The following CDC42SE2 variants were observed in gnomAD, a reference collection of about 807,000 sequenced individuals.
CDC42SE2 encodes CDC42 small effector 2, also known as CDC42 small effector protein 2.
Under a neutral mutation model 11.5 loss-of-function variants are expected in CDC42SE2, and 3 were observed. That is an observed-to-expected ratio of 0.26 (90% CI 0.12 to 0.67). The LOEUF (loss-of-function observed/expected upper bound fraction) is 0.67, where lower values mean the gene tolerates loss of function less well. CDC42SE2 is among the 30% of genes least tolerant of loss of function. The pLI is 0.80. For synonymous variants in CDC42SE2, 33 were observed against 34.8 expected (o/e 0.95, Z 0.18); for missense variants, 82 against 106.8 (o/e 0.77, Z 1.02).
intron 2 of CDC42SE2, among the ~76,000 whole-genome samples, chr5:131,358,969 A>G (rs1017467256): frequency 1.3e-5 from 2 of 152,352 alleles, no homozygotes; most frequent in Admixed American, 6.5e-5. Context: ...CCATACTTTT[A>G]TAATCATAAA....
chr5:131,288,008 C>T (rs996268234), intron 1 of CDC42SE2, among the ~76,000 whole-genome samples: 5 of 152,118 alleles, frequency 3.3e-5, no homozygotes, highest in Middle Eastern at 6.8e-3. Flanking sequence ...CTTTGAGAAA[C>T]GGAGGCAGGT....
At chr5:131,335,092 T>C (rs1185268250) in intron 2 of CDC42SE2, among the ~76,000 whole-genome samples, 1 of 152,206 alleles carries the variant, frequency 6.6e-6, no homozygotes, top group African/African-American at 2.4e-5. Flanking sequence ...CTGCTTTCTC[T>C]TGTGGGCATT....
intron 2 of CDC42SE2, among the ~76,000 whole-genome samples, chr5:131,324,183 CTG>C (rs1758251348): frequency 6.6e-6 from 1 of 152,164 alleles, no homozygotes; most frequent in African/African-American, 2.4e-5. Context: ...AATCACATCA[CTG>C]TATGAATATC....
intron 3 of CDC42SE2, among the ~76,000 whole-genome samples, chr5:131,381,019 T>G (rs550033448): frequency 1.2e-3 from 182 of 152,350 alleles, no homozygotes; most frequent in African/African-American, 4.3e-3. Context: ...ACCTTTCAGC[T>G]CTGCTCCCTC....
intron 1 of CDC42SE2, among the ~76,000 whole-genome samples, chr5:131,280,976 G>T (rs138253168): frequency 2.6e-5 from 4 of 152,260 alleles, no homozygotes; most frequent in Non-Finnish European, 2.9e-5. Context: ...AAAAATCCTT[G>T]TGGAAGAATT....
rs144294599 is a variant in CDC42SE2, at chr5:131,258,006, T to C, written n.242+2777T>C. 5.3e-5 allele frequency among the ~76,000 whole-genome samples: 8 copies of C among 152,144 alleles called. No homozygotes were observed. In the East Asian group the frequency reaches 1.5e-3, roughly 29 times the overall value. On this transcript the variant is annotated intron_variant and non_coding_transcript_variant, in intron 2 of 3. Coordinates refer to the CDC42SE2 transcript ENST00000502840. ...AGTATCCTCTCCTCTGCAGCCCTGG[T>C]GCTGAGTCTTAATTGCCAGCAGAGT...
chr5:131,385,542 GA>G lies in CDC42SE2; in HGVS notation c.58del (p.Arg20GlyfsTer9). 1 of 1,611,252 alleles carries G rather than the reference GA, an allele frequency of 6.2e-7. No homozygotes were observed. The highest frequency in any genetic ancestry group is 1.1e-5 in the South Asian group (1 of 90,912). ...CAACACATTTGTTCCCCATATTTTA[GA>G]AAAGGCGACGGCGGATTGACAGAAG... ...NCCIAEQPQP[K>X]RRRRIDRSMI... On this transcript the variant is annotated frameshift_variant and splice_region_variant, in exon 4 of 5. Transcript: ENST00000505065. LOFTEE classifies it high-confidence loss of function.
chr5:131,371,766 A>G (rs73786659), intron 3 of CDC42SE2, among the ~76,000 whole-genome samples: 2,598 of 152,344 alleles, frequency 0.017, 74 homozygotes, highest in African/African-American at 0.059. Flanking sequence ...CCAAATAGAA[A>G]TGAACACCCA....
At chr5:131,335,750 G>C (rs1471013076) in intron 2 of CDC42SE2, among the ~76,000 whole-genome samples, 2 of 152,004 alleles carry the variant, frequency 1.3e-5, no homozygotes. Flanking sequence ...TTTGATCTTT[G>C]CTGGTTTAAA....
rs116482337 is a variant in CDC42SE2 at position 131,344,020 on chromosome 5, A to G, written c.-285-15189A>G. Among the ~76,000 whole-genome samples, 1,308 of 152,298 alleles carry G rather than the reference A, an allele frequency of 8.6e-3. 6 individuals carry two copies. Among genetic ancestry groups the G allele is most frequent in the Middle Eastern group, 0.02 (6 of 294 alleles). ...ACTTCAGATTTAAGTGGGAAAAGGA[A>G]GATGTTAGAAAAAGCCTGAGTAGGT... On this transcript the variant is annotated intron_variant, in intron 2 of 4. Transcript: ENST00000505065.
chr5:131,210,152 G>A, the CDC42SE2 span, among the ~76,000 whole-genome samples: 1 of 152,170 alleles, frequency 6.6e-6, no homozygotes, highest in Non-Finnish European at 1.5e-5. Context: ...TGCTTGCACA[G>A]CCTGCAGAAT....
At chr5:131,286,991 A>C (rs995154916) in intron 1 of CDC42SE2, among the ~76,000 whole-genome samples, 1 of 151,738 alleles carries the variant, frequency 6.6e-6, no homozygotes, top group African/African-American at 2.4e-5. Flanking sequence ...TTTATTTACT[A>C]TTTTATTCTA....
chr5:131,294,035 A>C (rs1281603447), intron 1 of CDC42SE2, among the ~76,000 whole-genome samples: 1 of 152,234 alleles, frequency 6.6e-6, no homozygotes, highest in African/African-American at 2.4e-5. Flanking sequence ...TCTTCTGGTG[A>C]AAATGTACAG....
chr5:131,286,482 A>G (rs1030558866), intron 1 of CDC42SE2, among the ~76,000 whole-genome samples: 2 of 147,178 alleles, frequency 1.4e-5, no homozygotes, highest in Admixed American at 1.4e-4. Flanking sequence ...AATGCCAACT[A>G]TTTCATGACT....
intron 1 of CDC42SE2, among the ~76,000 whole-genome samples, chr5:131,279,677 C>T (rs1054609788): frequency 6.6e-6 from 1 of 151,948 alleles, no homozygotes; most frequent in East Asian, 1.9e-4. Flanking sequence ...CATTCCAGTC[C>T]GTTTTCCACA....
chr5:131,287,953 G>A (rs948153346), intron 1 of CDC42SE2, among the ~76,000 whole-genome samples: 1 of 151,896 alleles, frequency 6.6e-6, no homozygotes, highest in Non-Finnish European at 1.5e-5. Flanking sequence ...TGTCAAAAAT[G>A]GGAGAAGTGG....
At chr5:131,328,088 C>T (rs1758335962) in intron 2 of CDC42SE2, among the ~76,000 whole-genome samples, 1 of 152,082 alleles carries the variant, frequency 6.6e-6, no homozygotes, top group African/African-American at 2.4e-5. Flanking sequence ...AAATGGGGCA[C>T]ATAGTCTTAA....
intron 2 of CDC42SE2, among the ~76,000 whole-genome samples, chr5:131,336,329 C>G (rs1295309091): frequency 6.6e-6 from 1 of 152,216 alleles, no homozygotes; most frequent in Non-Finnish European, 1.5e-5. Context: ...AGAGTTTCTG[C>G]CGAGAGATCT....
chr5:131,310,312 T>C (rs376395784), intron 1 of CDC42SE2, among the ~76,000 whole-genome samples: 1 of 151,746 alleles, frequency 6.6e-6, no homozygotes, highest in Non-Finnish European at 1.5e-5. Flanking sequence ...GTCTGAGAGA[T>C]AGTTTGTTAT....
Sources: allele counts gnomAD v4.1 joint callset (sites outside exome capture counted in the v4.1 genomes callset), GRCh38; gene constraint gnomAD v4.1.1; transcripts MANE v1.5; gene names NCBI Gene and HGNC (gene_info 2026-07-23, HGNC 2026-07-21).